The following RSPH10B2 variants were observed in gnomAD, a reference collection of about 807,000 sequenced individuals.
RSPH10B2 encodes the protein radial spoke head 10 homolog B2, also known as radial spoke head 10 homolog B2 (Chlamydomonas).
RSPH10B2 carries 9 observed loss-of-function variants against 49.0 expected under a neutral mutation model. The observed-to-expected ratio is 0.18, with a 90% CI of 0.11 to 0.32. The LOEUF is 0.32. RSPH10B2 is among the 10% of genes least tolerant of loss of function. The pLI is 1.00. For missense variants in RSPH10B2, 95 were observed against 589.9 expected (o/e 0.16, Z 8.69); for synonymous variants, 35 against 210.2 (o/e 0.17, Z 7.21).
chr7:6,781,680 C>T (rs1237207723), intron 13 of RSPH10B2: 6 of 572,032 alleles, frequency 1.0e-5, no homozygotes, highest in Non-Finnish European at 1.5e-5. Context: ...GTCACCTGCC[C>T]AATATGCTAA....
intron 17 of RSPH10B2, among the ~76,000 whole-genome samples, chr7:6,793,978 G>A (rs1448476314): frequency 1.9e-3 from 284 of 150,052 alleles, no homozygotes; most frequent in African/African-American, 6.8e-3. Context: ...GGCATCTTGG[G>A]GGGCTGTGTA....
At chr7:6,777,164 T>C (rs1229152748) in intron 10 of RSPH10B2, among the ~76,000 whole-genome samples, 1 of 37,650 alleles carries the variant, frequency 2.7e-5, no homozygotes, top group Non-Finnish European at 4.8e-5. Flanking sequence ...CAAGTGACTC[T>C]CCTGCCTCAA....
At chr7:6,794,187 C>T (rs1322095157) in intron 17 of RSPH10B2, 2 of 162,708 alleles carry the variant, frequency 1.2e-5, no homozygotes, top group Non-Finnish European at 2.7e-5. Flanking sequence ...TCTTGGTGGG[C>T]TGTGTACGTG....
chr7:6,783,032 A>G, intron 13 of RSPH10B2, among the ~76,000 whole-genome samples: 1 of 128,772 alleles, frequency 7.8e-6, no homozygotes, highest in Non-Finnish European at 1.6e-5. Context: ...TTTTTGTTCC[A>G]TGATACTTTT....
chr7:6,796,015 C>T (rs1782541187), intron 17 of RSPH10B2, among the ~76,000 whole-genome samples: 1 of 144,354 alleles, frequency 6.9e-6, no homozygotes, highest in South Asian at 2.2e-4. Flanking sequence ...AACCCAAATT[C>T]TTAAGATAGA....
In RSPH10B2 at chr7:6,780,796, A is replaced by T; in HGVS notation, c.1530-13A>T. 3.5e-6 allele frequency: 5 copies of T among 1,439,558 alleles called. 1 individual carries two copies. In the African/African-American group the frequency reaches 6.7e-5, roughly 19 times the overall value. The allele number at this position is 1,439,558 out of a possible 1,614,324, so 89.2% of individuals were successfully genotyped here. A position where few individuals can be genotyped will look rare whatever the true frequency, so the allele number is the denominator to read the frequency against. On this transcript the variant is annotated splice_polypyrimidine_tract_variant and intron_variant, in intron 11 of 18. Coordinates refer to ENST00000297186, the Ensembl canonical transcript of RSPH10B2. ...GGAGAAGTAACTATGGTATCTTTTGATGATTATCACAGAAAGAGAAGCCCA... is the reference window on the plus strand; with the variant it reads ...GGAGAAGTAACTATGGTATCTTTTGTTGATTATCACAGAAAGAGAAGCCCA...
At chr7:6,784,870 A>G (rs1379901158) in intron 13 of RSPH10B2, among the ~76,000 whole-genome samples, 1 of 71,512 alleles carries the variant, frequency 1.4e-5, no homozygotes, top group African/African-American at 6.9e-5. Context: ...CCGGCCCCAC[A>G]TAACGTTATT....
At chr7:6,797,077 C>T (rs964427394) in intron 18 of RSPH10B2, 1 of 334,614 alleles carries the variant, frequency 3.0e-6, no homozygotes, top group Non-Finnish European at 5.3e-6. Context: ...GGTATGATCT[C>T]AGCTCACTGC....
Position 6,758,440 on chromosome 7 carries a change from T to C in RSPH10B2, c.254+509T>C, listed in dbSNP as rs553743986. Among the ~76,000 whole-genome samples the C allele has an allele frequency of 9.6e-3, 1,397 of 146,122 alleles. 30 individuals carry two copies. The highest frequency in any genetic ancestry group is 0.014 in the Non-Finnish European group (937 of 65,918). On this transcript the variant is annotated intron_variant, in intron 1 of 18. Transcript: ENST00000297186. ...CATACAGCCCCATGGCGTGTGTATA[T>C]ATAGAGTTTATTGTGGTGAAACATA...
intron 1 of RSPH10B2, 150 bp from the exon 4 acceptor site, chr7:6,758,934 A>T: frequency 2.2e-6 from 1 of 463,166 alleles, no homozygotes; most frequent in Non-Finnish European, 3.1e-6. Flanking sequence ...AACCTCTTCT[A>T]CTTTCTAGCT....
At chr7:6,780,409 A>T (rs1163726504) in intron 11 of RSPH10B2, among the ~76,000 whole-genome samples, 1 of 117,848 alleles carries the variant, frequency 8.5e-6, no homozygotes, top group Non-Finnish European at 1.8e-5. Context: ...TTTGAGATGG[A>T]ATCTCGCTCT....
chr7:6,785,826 CAAAAA>C (rs375955460), intron 13 of RSPH10B2, 118 bp from the exon 16 acceptor site: 1 of 1,037,024 alleles, frequency 9.6e-7, no homozygotes, highest in Non-Finnish European at 1.5e-6. Flanking sequence ...CTCCGTCTCT[CAAAAA>C]AAAGAAAAAA....
chr7:6,780,784 T>A, intron 11 of RSPH10B2, 25 bp from the exon 14 acceptor site: 1 of 1,389,952 alleles, frequency 7.2e-7, no homozygotes, highest in South Asian at 1.6e-5. Flanking sequence ...GAAGTAACTA[T>A]GGTATCTTTT....
At position 6,793,479 on chromosome 7, in the gene RSPH10B2, C is replaced by CG. The variant is rs1386170255; in HGVS notation, c.2233+1483dup. ...GTGTATCCCCCTCTACAGTGCCTGT[C>CG]GTTTCCCGTTACTCCTCCTCCAGTG... On this transcript the variant is annotated intron_variant, in intron 17 of 18. Coordinates refer to ENST00000297186, the Ensembl canonical transcript of RSPH10B2. Among the ~76,000 whole-genome samples the CG allele has an allele frequency of 3.5e-5, 4 of 115,836 alleles. 1 individual carries two copies. The highest frequency in any genetic ancestry group is 6.9e-5 in the Non-Finnish European group (4 of 58,180). The allele number at this position is 115,836 out of a possible 152,430, so 76.0% of individuals were successfully genotyped here.
chr7:6,792,724 G>A (rs1158559836), intron 17 of RSPH10B2, among the ~76,000 whole-genome samples: 1 of 119,318 alleles, frequency 8.4e-6, no homozygotes, highest in Non-Finnish European at 1.7e-5. Flanking sequence ...GTTGCACGTG[G>A]CCTTGTTTTC....
At chr7:6,783,143 G>C (rs1428156822) in intron 13 of RSPH10B2, among the ~76,000 whole-genome samples, 1 of 108,296 alleles carries the variant, frequency 9.2e-6, no homozygotes, top group Non-Finnish European at 1.8e-5. Context: ...CAATTCTCCT[G>C]CCTCAGCCTC....
chr7:6,761,992 A>AG (rs1359205093), intron 3 of RSPH10B2, among the ~76,000 whole-genome samples: 2 of 40,158 alleles, frequency 5.0e-5, no homozygotes, highest in East Asian at 9.1e-4. Context: ...CAGCCCAGTC[A>AG]GGGGGGCTTC....
At chr7:6,783,663 G>T (rs1782026333) in intron 13 of RSPH10B2, among the ~76,000 whole-genome samples, 1 of 150,616 alleles carries the variant, frequency 6.6e-6, no homozygotes, top group African/African-American at 2.5e-5. Context: ...TGTAGAGACG[G>T]GTTATTGCCA....
At chr7:6,794,026 T>C (rs1782460477) in intron 17 of RSPH10B2, 1 of 149,968 alleles carries the variant, frequency 6.7e-6, no homozygotes, top group African/African-American at 2.5e-5. Flanking sequence ...TGGGGGGCTG[T>C]GTACATGCTC....
Sources: gnomAD v4.1 joint callset for allele counts (sites outside exome capture counted in the v4.1 genomes callset) on GRCh38, gnomAD v4.1.1 for gene constraint, MANE v1.5 for transcripts, NCBI Gene and HGNC (gene_info 2026-07-23, HGNC 2026-07-21) for gene names.